The following ABCC4 variants were observed in gnomAD, a reference collection of about 807,000 sequenced individuals.
ABCC4 encodes the protein ATP-binding cassette sub-family C member 4.
Under a neutral mutation model 168.5 loss-of-function variants are expected in ABCC4, and 102 were observed. The ratio of observed to expected loss-of-function variants is 0.61; its 90% confidence interval spans 0.52 to 0.71. ABCC4 has a LOEUF of 0.71. ABCC4 is among the 30% of genes least tolerant of loss of function. The probability of loss-of-function intolerance (pLI) is 0.00; values close to 1 mark genes in which losing one functional copy is unlikely to be tolerated. For synonymous variants in ABCC4, 617 were observed against 590.7 expected, an observed-to-expected ratio of 1.04 and a Z score of -0.65; for missense variants, 1,402 against 1,605.8, an observed-to-expected ratio of 0.87 and a Z score of 2.17.
intron 19 of ABCC4, among the ~76,000 whole-genome samples, chr13:95,156,557 A>G (rs2036861655): frequency 6.6e-6 from 1 of 152,248 alleles, no homozygotes; most frequent in African/African-American, 2.4e-5. Flanking sequence ...GAACGGAAAC[A>G]GGGCTAAGAC....
At chr13:95,128,810 C>A (rs1052888859) in intron 19 of ABCC4, among the ~76,000 whole-genome samples, 1 of 152,152 alleles carries the variant, frequency 6.6e-6, no homozygotes. Flanking sequence ...TAAAAAGTCC[C>A]TTTTTAACAC....
intron 21 of ABCC4, among the ~76,000 whole-genome samples, chr13:95,081,232 A>T (rs940156866): frequency 6.6e-6 from 1 of 152,176 alleles, no homozygotes; most frequent in Non-Finnish European, 1.5e-5. Context: ...AGAAAATCCT[A>T]CACTGCTTCC....
chr13:95,080,399 GT>G (rs1340926738), intron 21 of ABCC4, among the ~76,000 whole-genome samples: 1 of 150,914 alleles, frequency 6.6e-6, no homozygotes, highest in African/African-American at 2.5e-5. Context: ...TTTTTGTTTT[GT>G]TTTGTTTTGT....
At chr13:95,251,305 C>T (rs2040252292) in intron 1 of ABCC4, among the ~76,000 whole-genome samples, 1 of 152,268 alleles carries the variant, frequency 6.6e-6, no homozygotes, top group East Asian at 1.9e-4. Flanking sequence ...GCCCTCTCTG[C>T]CTCCTTAAAG....
At chr13:95,116,697 T>C (rs186901402) in intron 19 of ABCC4, among the ~76,000 whole-genome samples, 1 of 152,216 alleles carries the variant, frequency 6.6e-6, no homozygotes, top group Non-Finnish European at 1.5e-5. Flanking sequence ...TCCCGTCAAG[T>C]AGAATCCAAG....
chr13:95,128,286 C>G (rs2035851432), intron 19 of ABCC4, among the ~76,000 whole-genome samples: 1 of 152,104 alleles, frequency 6.6e-6, no homozygotes. Context: ...TGGTCAAATA[C>G]TTGGCAGGAT....
At chr13:95,228,889 G>T (rs969771602) in intron 4 of ABCC4, among the ~76,000 whole-genome samples, 2 of 151,932 alleles carry the variant, frequency 1.3e-5, no homozygotes, top group African/African-American at 4.8e-5. Flanking sequence ...GGGAGACCCT[G>T]TCTCTTTAAA....
chr13:95,139,367 A>T (rs1463144190), intron 19 of ABCC4, among the ~76,000 whole-genome samples: 1 of 152,202 alleles, frequency 6.6e-6, no homozygotes, highest in Non-Finnish European at 1.5e-5. Flanking sequence ...GAAAATAAAT[A>T]AATACCCAGT....
intron 1 of ABCC4, among the ~76,000 whole-genome samples, chr13:95,297,220 G>A (rs1267296369): frequency 1.6e-4 from 23 of 147,530 alleles, no homozygotes; most frequent in Admixed American, 1.2e-3. Context: ...GCAGTGAGCC[G>A]AGATCACACC....
intron 25 of ABCC4, among the ~76,000 whole-genome samples, chr13:95,068,351 C>T (rs973484677): frequency 6.6e-6 from 1 of 152,148 alleles, no homozygotes; most frequent in African/African-American, 2.4e-5. Flanking sequence ...TGGGGCTCAG[C>T]GCAGTGGCTC....
chr13:95,293,315 G>A (rs2041448672), intron 1 of ABCC4, among the ~76,000 whole-genome samples: 1 of 151,642 alleles, frequency 6.6e-6, no homozygotes, highest in Non-Finnish European at 1.5e-5. Context: ...CCGAGATCAT[G>A]CCACTGCACT....
Position 95,177,737 on chromosome 13 carries a change from T to C in ABCC4, c.1697A>G (p.Asp566Gly). The change falls in exon 13 of 31, where the codon GAT becomes GGT. Residue 566 changes from aspartate (D) to glycine (G), a missense_variant. This residue lies in a region of ABCC4 where 1,007 missense variants were observed against 1,127.3 expected (regional missense o/e 0.89). Transcript: ENST00000645237. The part of the protein sequence containing the change: ...YLLDDPLSAV[D>G]AEVSRHLFEL... ...GAACAAGTGTCTGCTAACTTCCGCA[T>C]CTACTGCACTGAGAGGATCGTCCAG... 3 of 1,610,990 alleles carry C rather than the reference T, an allele frequency of 1.9e-6. No individual in the cohort carries two copies. Among genetic ancestry groups the C allele is most frequent in the Non-Finnish European group, 2.5e-6 (3 of 1,177,402 alleles).
intron 4 of ABCC4, among the ~76,000 whole-genome samples, chr13:95,214,669 C>G (rs553921616): frequency 3.3e-5 from 5 of 151,842 alleles, no homozygotes; most frequent in Non-Finnish European, 7.4e-5. Context: ...GCAGATCACT[C>G]GAGCCCAGGA....
Position 95,206,636 on chromosome 13 carries a change from C to G in ABCC4, c.1057G>C (p.Val353Leu). The G allele has an allele frequency of 6.2e-7, 1 of 1,614,124 alleles. No individual in the cohort carries two copies. Among genetic ancestry groups the G allele is most frequent in the Non-Finnish European group, 8.5e-7 (1 of 1,180,022 alleles). The change falls in exon 8 of 31, where the codon GTG becomes CTG. Residue 353 changes from valine (V) to leucine (L), a missense_variant. By Grantham distance (32) the Val-to-Leu change is conservative. Around this residue, in one of 3 missense-constraint regions of ABCC4, gnomAD observed 78 missense variants for 133.0 expected, o/e 0.59. Coordinates refer to ENST00000645237, the MANE Select transcript of ABCC4 (RefSeq NM_005845.5). Reference sequence around the variant, plus strand: ...ACAGCCCCATACAGCGTCACTGCCACGAACACGCGGCTGGCTGTGATCACA... The same window carrying G: ...ACAGCCCCATACAGCGTCACTGCCAGGAACACGCGGCTGGCTGTGATCACA... ...GSVITASRVF[V>L]AVTLYGAVRL...
intron 6 of ABCC4, among the ~76,000 whole-genome samples, chr13:95,208,335 C>CAAAAA (rs757937530): frequency 1.3e-5 from 1 of 75,806 alleles, no homozygotes; most frequent in Non-Finnish European, 2.7e-5. Flanking sequence ...AAGAGGAGAG[C>CAAAAA]AAAAAAAAAA....
At chr13:95,025,182 CACACACCCACACCA>C (rs2031351926) in intron 30 of ABCC4, among the ~76,000 whole-genome samples, 1 of 141,658 alleles carries the variant, frequency 7.1e-6, no homozygotes, top group Non-Finnish European at 1.5e-5. Flanking sequence ...CACACACCCA[CACACACCCACACCA>C]CACACCCCCA....
chr13:95,079,309 C>T (rs1443106089), intron 21 of ABCC4, among the ~76,000 whole-genome samples: 1 of 152,210 alleles, frequency 6.6e-6, no homozygotes, highest in Non-Finnish European at 1.5e-5. Context: ...CAGAGATTTT[C>T]TGTCTTCTCT....
At chr13:95,267,940 G>A (rs1489640387) in intron 1 of ABCC4, among the ~76,000 whole-genome samples, 1 of 152,126 alleles carries the variant, frequency 6.6e-6, no homozygotes, top group Non-Finnish European at 1.5e-5. Flanking sequence ...ATGTAATGAA[G>A]CTCCAATAAA....
chr13:95,036,682 A>T (rs1310361177), intron 29 of ABCC4, among the ~76,000 whole-genome samples: 3 of 152,194 alleles, frequency 2.0e-5, no homozygotes, highest in Non-Finnish European at 4.4e-5. Flanking sequence ...TGATAGAACC[A>T]TGACCTTAAT....
Sources: allele counts gnomAD v4.1 joint callset (sites outside exome capture counted in the v4.1 genomes callset), GRCh38; gene constraint gnomAD v4.1.1; regional missense constraint gnomAD v4.1.1; transcripts MANE v1.5; gene names NCBI Gene and HGNC (gene_info 2026-07-23, HGNC 2026-07-21).